The following SEMA6A variants were observed in gnomAD, a reference collection of about 807,000 sequenced individuals.
SEMA6A encodes semaphorin-6A.
Under a neutral mutation model 96.8 loss-of-function variants are expected in SEMA6A, and 25 were observed. The ratio of observed to expected loss-of-function variants is 0.26; its 90% confidence interval spans 0.19 to 0.36. The LOEUF (loss-of-function observed/expected upper bound fraction) is 0.36, where lower values mean the gene tolerates loss of function less well. SEMA6A is among the 10% of genes least tolerant of loss of function. The pLI, the probability that SEMA6A is intolerant of heterozygous loss-of-function variation, is 1.00. For missense variants in SEMA6A, 1,363 were observed against 1,323.1 expected (o/e 1.03, Z -0.47); for synonymous variants, 612 against 518.0 (o/e 1.18, Z -2.46).
intron 18 of SEMA6A, among the ~76,000 whole-genome samples, chr5:116,451,459 T>G (rs974115661): frequency 2.0e-5 from 3 of 152,218 alleles, no homozygotes; most frequent in Non-Finnish European, 4.4e-5. Flanking sequence ...AGGGAATGCA[T>G]ACTGTTTCAG....
chr5:116,489,063 G>A, intron 7 of SEMA6A, 56 bp from the exon 8 acceptor site: 1 of 1,499,298 alleles, frequency 6.7e-7, no homozygotes, highest in Non-Finnish European at 8.9e-7. Flanking sequence ...TGGGGGTGGA[G>A]GAATAATAAA....
chr5:116,523,668 G>T (rs1178887495), intron 1 of SEMA6A, among the ~76,000 whole-genome samples: 1 of 152,116 alleles, frequency 6.6e-6, no homozygotes, highest in Non-Finnish European at 1.5e-5. Context: ...GTATAGACCA[G>T]TGCTTTCCAA....
At chr5:116,452,337 G>A (rs1420816022) in intron 18 of SEMA6A, among the ~76,000 whole-genome samples, 2 of 152,086 alleles carry the variant, frequency 1.3e-5, no homozygotes, top group Non-Finnish European at 2.9e-5. Flanking sequence ...TCCTATTGCA[G>A]GAAGCAAGGC....
intron 18 of SEMA6A, among the ~76,000 whole-genome samples, chr5:116,452,545 C>T (rs1359766038): frequency 3.3e-5 from 5 of 152,202 alleles, no homozygotes; most frequent in African/African-American, 1.2e-4. Flanking sequence ...CCCCTAGACC[C>T]TGCAACATGT....
At chr5:116,482,877 G>T (rs1380255869) in intron 10 of SEMA6A, among the ~76,000 whole-genome samples, 1 of 152,202 alleles carries the variant, frequency 6.6e-6, no homozygotes, top group African/African-American at 2.4e-5. Flanking sequence ...GCTAGTGATA[G>T]AAGTTTCATG....
chr5:116,455,443 C>G (rs901418875), intron 18 of SEMA6A, among the ~76,000 whole-genome samples: 2 of 152,168 alleles, frequency 1.3e-5, no homozygotes, highest in East Asian at 3.9e-4. Context: ...CTTTCATCAG[C>G]TTTCTTAAAT....
chr5:116,530,725 A>G (rs535918142), intron 1 of SEMA6A, among the ~76,000 whole-genome samples: 136 of 152,308 alleles, frequency 8.9e-4, no homozygotes, highest in Non-Finnish European at 8.8e-4. Context: ...TTTACCTTTA[A>G]AAACAGGCCA....
At chr5:116,504,713 G>A in intron 2 of SEMA6A, 132 bp downstream of exon 2, 1 of 640,968 alleles carries the variant, frequency 1.6e-6, no homozygotes, top group Non-Finnish European at 2.7e-6. Flanking sequence ...ACTTGAATTA[G>A]CCACCTTTGC....
Position 116,475,424 on chromosome 5 carries a change from C to T in SEMA6A, c.1708+121G>A, listed in dbSNP as rs138715342. On this transcript the variant is annotated intron_variant, in intron 16 of 18. Transcript: ENST00000343348. ...TGTTTGGTATTTAGAAGATGATTTC[C>T]GTCATTTACGCATGCTTTAGTGTCA... is the stretch of plus-strand genomic sequence containing the variant. 119 of 582,782 alleles carry T rather than the reference C, an allele frequency of 2.0e-4. No homozygotes were observed. The African/African-American group carries it at 2.1e-3, about 10-fold the overall frequency. 36.1% of individuals were successfully genotyped at this position (582,782 alleles called of 1,614,324 possible).
At chr5:116,541,899 G>T (rs1334663610) in intron 1 of SEMA6A, among the ~76,000 whole-genome samples, 2 of 152,160 alleles carry the variant, frequency 1.3e-5, no homozygotes, top group East Asian at 3.8e-4. Flanking sequence ...ACATGAATGG[G>T]TATCTAGGGA....
intron 18 of SEMA6A, among the ~76,000 whole-genome samples, chr5:116,459,456 A>C (rs1368801152): frequency 6.6e-6 from 1 of 152,162 alleles, no homozygotes; most frequent in Non-Finnish European, 1.5e-5. Flanking sequence ...TGCTAAAGCC[A>C]AAACTCCTTG....
At chr5:116,555,073 G>A (rs1035078942) in intron 1 of SEMA6A, among the ~76,000 whole-genome samples, 37 of 152,274 alleles carry the variant, frequency 2.4e-4, no homozygotes, top group African/African-American at 6.7e-4. Context: ...CTCTGCCACC[G>A]GGAAGGAGGG....
At chr5:116,501,425 C>A (rs1422730752) in intron 3 of SEMA6A, among the ~76,000 whole-genome samples, 1 of 152,000 alleles carries the variant, frequency 6.6e-6, no homozygotes, top group East Asian at 1.9e-4. Flanking sequence ...AAATAAAAAC[C>A]TTCTGAAATA....
Position 116,505,485 on chromosome 5 carries a change from A to T in SEMA6A, c.-38-503T>A, listed in dbSNP as rs572523737. Among the ~76,000 whole-genome samples the T allele has an allele frequency of 3.1e-3, 475 of 151,416 alleles. 5 individuals carry two copies. Among genetic ancestry groups the T allele is most frequent in the African/African-American group, 0.011 (449 of 41,292 alleles). ...CACACACACACACACACACACACAC[A>T]TCTATAACTCATCCTGTTTACTAAT... is the stretch of plus-strand genomic sequence containing the variant. On this transcript the variant is annotated intron_variant, in intron 1 of 18. Coordinates refer to ENST00000343348, the MANE Select transcript of SEMA6A (RefSeq NM_020796.5).
chr5:116,449,429 A>G (rs1290692271), intron 18 of SEMA6A: 5 of 697,464 alleles, frequency 7.2e-6, no homozygotes, highest in Admixed American at 4.1e-5. Flanking sequence ...ATGAAAGGAA[A>G]TAAAGATCTC....
chr5:116,502,611 G>T (rs893689354), intron 2 of SEMA6A: 1 of 338,458 alleles, frequency 3.0e-6, no homozygotes, highest in Non-Finnish European at 5.4e-6. Flanking sequence ...GGCTCAACTC[G>T]CTAGTGAACC....
In SEMA6A at chr5:116,502,344, T is replaced by C. The variant is rs756750309; in HGVS notation, c.101-17A>G. ...GTTTTGTATCTGTGAAAAGAGGAGA[T>C]GGGGCAAGAAAGGAAAAGCAAATCA... On this transcript the variant is annotated splice_polypyrimidine_tract_variant and intron_variant, in intron 2 of 18. Coordinates refer to ENST00000343348, the MANE Select transcript of SEMA6A (RefSeq NM_020796.5). 2.5e-6 allele frequency: 4 copies of C among 1,608,630 alleles called. No homozygotes were observed. The South Asian group carries it at 4.4e-5, about 18-fold the overall frequency.
chr5:116,496,052 AGCAGCTGTT>A, intron 5 of SEMA6A, 190 bp downstream of exon 5: 1 of 519,642 alleles, frequency 1.9e-6, no homozygotes, highest in South Asian at 2.1e-5. Context: ...ATGCAGGCCT[AGCAGCTGTT>A]GTAATGTTTC....
Position 116,505,020 on chromosome 5 carries a change from G to T in SEMA6A, c.-38-38C>A, listed in dbSNP as rs532993640. On this transcript the variant is annotated intron_variant, in intron 1 of 18. Coordinates refer to ENST00000343348, the MANE Select transcript of SEMA6A (RefSeq NM_020796.5). ...AAAGAACAGATTTTTTTCCAAGTCA[G>T]CTTTGTTCAATGCCATAAAATGAAA... 2.9e-6 allele frequency: 3 copies of T among 1,026,840 alleles called. No homozygotes were observed. In the South Asian group the frequency reaches 4.3e-5, roughly 15 times the overall value. 63.6% of individuals were successfully genotyped at this position (1,026,840 alleles called of 1,614,324 possible). A position where few individuals can be genotyped will look rare whatever the true frequency, so the allele number is the denominator to read the frequency against.
Sources: gnomAD v4.1 joint callset for allele counts (sites outside exome capture counted in the v4.1 genomes callset) on GRCh38, gnomAD v4.1.1 for gene constraint, MANE v1.5 for transcripts, NCBI Gene and HGNC (gene_info 2026-07-23, HGNC 2026-07-21) for gene names.